The following CDK5RAP2 variants were observed in gnomAD, a reference collection of about 807,000 sequenced individuals.
CDK5RAP2 encodes CDK5 regulatory subunit associated protein 2, also known as CDK5 regulatory subunit-associated protein 2.
CDK5RAP2 carries 147 observed loss-of-function variants against 232.9 expected under a neutral mutation model. The observed-to-expected ratio is 0.63, with a 90% CI of 0.55 to 0.72. The LOEUF (loss-of-function observed/expected upper bound fraction) is 0.72, where lower values mean the gene tolerates loss of function less well. Among genes scored for constraint, CDK5RAP2 ranks in the 30% least tolerant of loss-of-function variants. The pLI is 0.00. For missense variants in CDK5RAP2, 2,195 were observed against 2,231.5 expected (o/e 0.98, Z 0.33); for synonymous variants, 833 against 833.7 (o/e 1.00, Z 0.01).
At chr9:120,434,395 T>C (rs2035456509) in intron 25 of CDK5RAP2, among the ~76,000 whole-genome samples, 1 of 151,698 alleles carries the variant, frequency 6.6e-6, no homozygotes, top group Admixed American at 6.6e-5. Flanking sequence ...GTACAGGGCT[T>C]TGCAGGCCCT....
At chr9:120,574,796 G>T (rs917321004) in intron 1 of CDK5RAP2, among the ~76,000 whole-genome samples, 1 of 148,768 alleles carries the variant, frequency 6.7e-6, no homozygotes, top group African/African-American at 2.5e-5. Context: ...GTCTTTCTGC[G>T]GCTGGTGGTA....
chr9:120,413,807 C>CGAGGAGGGAGGAGGGAGGAGGGAGG (rs2034007065), intron 28 of CDK5RAP2, among the ~76,000 whole-genome samples: 4 of 111,908 alleles, frequency 3.6e-5, no homozygotes, highest in African/African-American at 1.1e-4. Flanking sequence ...GCGCAGTGAG[C>CGAGGAGGGAGGAGGGAGGAGGGAGG]GAGGAGGGAG....
chr9:120,452,452 T>G (rs1469037665), intron 21 of CDK5RAP2, among the ~76,000 whole-genome samples: 1 of 152,060 alleles, frequency 6.6e-6, no homozygotes, highest in East Asian at 1.9e-4. Context: ...TAAAGCAGTG[T>G]GTACAGTTGA....
chr9:120,510,947 A>T (rs957704681), intron 12 of CDK5RAP2, among the ~76,000 whole-genome samples: 1 of 152,216 alleles, frequency 6.6e-6, no homozygotes, highest in Non-Finnish European at 1.5e-5. Context: ...GTACTCAATA[A>T]ATGTGTTGAA....
At chr9:120,420,470 G>A (rs892338632) in intron 26 of CDK5RAP2, among the ~76,000 whole-genome samples, 2 of 152,062 alleles carry the variant, frequency 1.3e-5, no homozygotes, top group Non-Finnish European at 2.9e-5. Flanking sequence ...CCAAAACCAT[G>A]AGATGGCCTA....
intron 25 of CDK5RAP2, among the ~76,000 whole-genome samples, chr9:120,426,194 G>A (rs1337375215): frequency 6.6e-6 from 1 of 152,192 alleles, no homozygotes; most frequent in Non-Finnish European, 1.5e-5. Flanking sequence ...TGTTGCCACT[G>A]TAAGCCAAAA....
chr9:120,399,844 A>G (rs919462133), intron 35 of CDK5RAP2, among the ~76,000 whole-genome samples: 1 of 152,202 alleles, frequency 6.6e-6, no homozygotes, highest in African/African-American at 2.4e-5. Context: ...TGTCCCCAGG[A>G]TCCCAAAAGT....
At chr9:120,507,941 AAATATAT>A (rs1407564242) in intron 12 of CDK5RAP2, among the ~76,000 whole-genome samples, 2 of 28,306 alleles carry the variant, frequency 7.1e-5, no homozygotes, top group African/African-American at 9.6e-5. Flanking sequence ...AAAAAAAAAA[AAATATAT>A]ATATATATAT....
At chr9:120,558,546 T>G (rs2042333642) in intron 3 of CDK5RAP2, among the ~76,000 whole-genome samples, 3 of 152,132 alleles carry the variant, frequency 2.0e-5, no homozygotes, top group Non-Finnish European at 4.4e-5. Context: ...CACAAAGTGC[T>G]GTATCATCTG....
chr9:120,477,414 G>A lies in CDK5RAP2; in HGVS notation c.1663C>T (p.Gln555Ter). The change falls in exon 15 of 38, where the codon CAG becomes TAG. Residue 555 changes from glutamine (Q) to a stop codon, truncating the protein, a stop_gained. Coordinates refer to ENST00000349780, the MANE Select transcript of CDK5RAP2 (RefSeq NM_018249.6). LOFTEE classifies it high-confidence loss of function. ...ATGTCCTGCTCTTTCTTTAAGACCTGAATCAGCTCTTCATAGTCTGATGAT... is the reference window on the plus strand; with the variant it reads ...ATGTCCTGCTCTTTCTTTAAGACCTAAATCAGCTCTTCATAGTCTGATGAT... ...KQSSDYEELI[Q>*]VLKKEQDIYT... 1.9e-6 allele frequency: 3 copies of A among 1,613,806 alleles called. No individual in the cohort carries two copies. Among genetic ancestry groups the A allele is most frequent in the Non-Finnish European group, 2.5e-6 (3 of 1,179,822 alleles).
chr9:120,521,274 T>C (rs554886867), intron 11 of CDK5RAP2, among the ~76,000 whole-genome samples: 6 of 152,336 alleles, frequency 3.9e-5, no homozygotes, highest in African/African-American at 1.4e-4. Context: ...CTTGGGTGAT[T>C]ATCTAGATTT....
At chr9:120,391,321 G>T (rs2031949031) in intron 36 of CDK5RAP2, among the ~76,000 whole-genome samples, 2 of 152,146 alleles carry the variant, frequency 1.3e-5, no homozygotes, top group African/African-American at 4.8e-5. Flanking sequence ...ACGTTCCAAA[G>T]CACAGAAATC....
At chr9:120,579,872 G>A in intron 1 of CDK5RAP2, 48 bp downstream of exon 1, 1 of 1,502,510 alleles carries the variant, frequency 6.7e-7, no homozygotes, top group South Asian at 1.1e-5. Flanking sequence ...AATCCCACCA[G>A]CTGGAACCCC....
intron 23 of CDK5RAP2, among the ~76,000 whole-genome samples, chr9:120,442,329 A>G (rs976126498): frequency 6.6e-6 from 1 of 152,192 alleles, no homozygotes; most frequent in African/African-American, 2.4e-5. Flanking sequence ...ATGAGCAAAG[A>G]GAGAGAGAGT....
chr9:120,530,796 G>C (rs1448847454), intron 7 of CDK5RAP2, among the ~76,000 whole-genome samples: 1 of 143,028 alleles, frequency 7.0e-6, no homozygotes, highest in East Asian at 2.1e-4. Flanking sequence ...TCATAGGTGG[G>C]AATTGAACAA....
intron 18 of CDK5RAP2, among the ~76,000 whole-genome samples, chr9:120,465,350 A>T (rs1239119924): frequency 2.0e-5 from 3 of 152,204 alleles, no homozygotes; most frequent in Non-Finnish European, 2.9e-5. Flanking sequence ...CCAGCAAATA[A>T]ATATGAGAAA....
At position 120,415,261 on chromosome 9, in the gene CDK5RAP2, G is replaced by A. The variant is rs1020315173; in HGVS notation, c.4178-102C>T. ...CCTGAAATTCCAAACAGTATTGGAT[G>A]TGTTAAGATGGTTAGCAACTGGCAA... On this transcript the variant is annotated intron_variant, in intron 27 of 37. Coordinates refer to ENST00000349780, the MANE Select transcript of CDK5RAP2 (RefSeq NM_018249.6). 1.9e-5 allele frequency: 26 copies of A among 1,363,316 alleles called. No individual in the cohort carries two copies. In the African/African-American group the frequency reaches 3.0e-4, roughly 16 times the overall value. The allele number at this position is 1,363,316 out of a possible 1,614,324, so 84.5% of individuals were successfully genotyped here. A position where few individuals can be genotyped will look rare whatever the true frequency, so the allele number is the denominator to read the frequency against.
intron 12 of CDK5RAP2, among the ~76,000 whole-genome samples, chr9:120,498,009 C>T (rs577146810): frequency 1.2e-4 from 19 of 152,302 alleles, no homozygotes; most frequent in Non-Finnish European, 2.4e-4. Flanking sequence ...TGGCTCCTTG[C>T]TCTCCCAGGA....
intron 26 of CDK5RAP2, among the ~76,000 whole-genome samples, chr9:120,420,368 G>T (rs568374597): frequency 6.6e-6 from 1 of 152,132 alleles, no homozygotes; most frequent in Non-Finnish European, 1.5e-5. Context: ...TCATAAACTG[G>T]CCCACTGTCT....
Sources: gnomAD v4.1 joint callset for allele counts (sites outside exome capture counted in the v4.1 genomes callset) on GRCh38, gnomAD v4.1.1 for gene constraint, MANE v1.5 for transcripts, NCBI Gene and HGNC (gene_info 2026-07-23, HGNC 2026-07-21) for gene names.